Variants in CARD9 observed in about 807,000 individuals in gnomAD.
The protein encoded by CARD9 is caspase recruitment domain family member 9, also known as caspase recruitment domain-containing protein 9.
A neutral mutation model predicts 66.0 loss-of-function variants in CARD9; 53 were observed. The observed-to-expected ratio is 0.80, with a 90% confidence interval of 0.64 to 1.01. The LOEUF is 1.01. Ranked by LOEUF, CARD9 falls within the 50% of genes least tolerant of loss-of-function variation. The pLI is 0.00. For missense variants in CARD9, 769 were observed against 743.2 expected (o/e 1.03, Z -0.40); for synonymous variants, 387 against 313.8 (o/e 1.23, Z -2.47).
intron 7 of CARD9, 40 bp downstream of exon 7, chr9:136,369,710 C>T (rs781282686): frequency 6.0e-5 from 94 of 1,559,788 alleles, no homozygotes; most frequent in Non-Finnish European, 7.8e-5. Flanking sequence ...TGCACCCACC[C>T]GCGAGTGGGG....
intron 10 of CARD9, chr9:136,366,597 G>GC: frequency 3.2e-6 from 2 of 625,170 alleles, no homozygotes; most frequent in Non-Finnish European, 5.7e-6. Flanking sequence ...ACTAGCTGGG[G>GC]CCCTGGGTTC....
At chr9:136,373,139 C>G (rs1471522284) in intron 1 of CARD9, among the ~76,000 whole-genome samples, 3 of 152,236 alleles carry the variant, frequency 2.0e-5, no homozygotes, top group Admixed American at 1.3e-4. Context: ...CCCAGAGGAG[C>G]TGGGTCACTG....
In CARD9 at chr9:136,370,448, C is replaced by T. The variant is rs528166226; in HGVS notation, c.808-11G>A. 12 of 1,609,780 alleles carry T rather than the reference C, an allele frequency of 7.5e-6. No individual in the cohort carries two copies. Among genetic ancestry groups the T allele is most frequent in the South Asian group, 1.1e-5 (1 of 90,548 alleles). On this transcript the variant is annotated splice_polypyrimidine_tract_variant and intron_variant, in intron 5 of 12. Transcript: ENST00000371732. ...GTCCAGCTTCCCCTCCTGAAGGGGG[C>T]AAAAGGCAATGGCCTGGCTGGGAAG... is the stretch of plus-strand genomic sequence containing the variant.
In CARD9 at chr9:136,370,352, G is replaced by T; in HGVS notation, c.893C>A (p.Ala298Asp). The stretch of plus-strand genomic sequence containing the variant: ...CTTGCGCAGGGAGAAGATGGTGTTG[G>T]CCTGCTCCTGGTGGTCCCGCAGCGC... ...RQALRDHQEQ[A>D]NTIFSLRKDL... The change falls in exon 6 of 13, where the codon GCC becomes GAC. Residue 298 changes from alanine to aspartate, a missense_variant. Ala to Asp is a moderately radical substitution (Grantham distance 126). Transcript: ENST00000371732. The T allele has an allele frequency of 6.2e-7, 1 of 1,610,012 alleles. No homozygotes were observed.
chr9:136,364,373 C>G lies in CARD9; in HGVS notation c.1540G>C (p.Gly514Arg), dbSNP rs766890741. The change falls in exon 13 of 13, where the codon GGA becomes CGA. Residue 514 changes from glycine to arginine, a missense_variant. Physicochemically the swap from Gly to Arg is moderately radical, Grantham distance 125. Coordinates refer to ENST00000371732, the MANE Select transcript of CARD9 (RefSeq NM_052813.5). The stretch of plus-strand genomic sequence containing the variant: ...CGGTCCTCCTCCCCCTGCCGCCATC[C>G]TTTCTGCATCTTCCTGAGGGCGCGC... The part of the protein sequence containing the change: ...RKRALRKMQK[G>R]WRQGEEDREN... The G allele has an allele frequency of 6.4e-7, 1 of 1,565,332 alleles. No individual in the cohort carries two copies. The highest frequency in any genetic ancestry group is 1.2e-5 in the South Asian group (1 of 85,524).
intron 11 of CARD9, 99 bp downstream of exon 11, chr9:136,365,042 G>A (rs1460300123): frequency 3.4e-6 from 4 of 1,184,118 alleles, no homozygotes; most frequent in Non-Finnish European, 4.9e-6. Context: ...CTGTCGTCGG[G>A]GCCACCGCAG....
rs1352023957 is a variant in CARD9 at position 136,364,456 on chromosome 9, G to GGA, written c.1511+25_1511+26dup. 7.8e-6 allele frequency: 12 copies of GGA among 1,540,814 alleles called. No individual in the cohort carries two copies. In the Admixed American group the frequency reaches 2.0e-4, roughly 25 times the overall value. On this transcript the variant is annotated intron_variant, in intron 12 of 12. Transcript: ENST00000371732. ...CGGCTGCCGCTCCCCAGCCCGTTTT[G>GGA]GAGAAGCCTGGGGGCCGCCCGCCTA...
Position 136,373,641 on chromosome 9 carries a change from G to A in CARD9, c.-126C>T, listed in dbSNP as rs575640702. ...GCAGGGAGGGAGGAGCACGCCGGAC[G>A]CCTGTGCACTTCCTGATGGGTTCTG... is the stretch of plus-strand genomic sequence containing the variant. On this transcript the variant is annotated 5_prime_UTR_variant, in exon 1 of 13. Coordinates refer to ENST00000371732, the MANE Select transcript of CARD9 (RefSeq NM_052813.5). 1.2e-5 allele frequency: 11 copies of A among 919,518 alleles called. No individual in the cohort carries two copies. Among genetic ancestry groups the A allele is most frequent in the Non-Finnish European group, 1.4e-5 (11 of 769,760 alleles). The allele number at this position is 919,518 out of a possible 1,614,324, so 57.0% of individuals were successfully genotyped here. A position where few individuals can be genotyped will look rare whatever the true frequency, so the allele number is the denominator to read the frequency against.
At chr9:136,364,608 C>G (rs749177143) in intron 11 of CARD9, 49 bp from the exon 12 acceptor site, 1 of 1,512,418 alleles carries the variant, frequency 6.6e-7, no homozygotes, top group African/African-American at 1.4e-5. Flanking sequence ...CTGAGGGAAC[C>G]CGTCCTTCTC....
Position 136,370,354 on chromosome 9 carries a change from C to T in CARD9, c.891G>A (p.Gln297=), listed in dbSNP as rs1564369070. The change falls in exon 6 of 13, where the codon CAG becomes CAA. Residue 297 remains glutamine, a synonymous_variant. Transcript: ENST00000371732. ...WRQALRDHQE[Q]ANTIFSLRKD... ...TGCGCAGGGAGAAGATGGTGTTGGC[C>T]TGCTCCTGGTGGTCCCGCAGCGCCT... 6.2e-7 allele frequency: 1 copy of T among 1,610,298 alleles called. No homozygotes were observed. The highest frequency in any genetic ancestry group is 8.5e-7 in the Non-Finnish European group (1 of 1,179,270).
At chr9:136,371,529 TG>T in intron 2 of CARD9, 68 bp from the exon 3 acceptor site, 1 of 490,332 alleles carries the variant, frequency 2.0e-6, no homozygotes, top group Non-Finnish European at 3.7e-6. Context: ...TGGGTGGGCC[TG>T]GGGGCAGGGA....
Position 136,370,559 on chromosome 9 carries a change from A to T in CARD9, c.770T>A (p.Leu257His). ...CTCCAGCTCCTGCACCCGGGCCTGG[A>T]GCAGGGCCTTCTCCTGCTGCAGCTC... The part of the protein sequence containing the change: ...LWELQQEKAL[L>H]QARVQELEAS... Residue 257 changes from leucine (L) to histidine (H), a missense_variant, in exon 5 of 13, where the codon CTC (leucine) becomes CAC (histidine). By Grantham distance (99) the Leu-to-His change is moderately conservative (BLOSUM62 -3). Coordinates refer to ENST00000371732, the MANE Select transcript of CARD9 (RefSeq NM_052813.5). The T allele has an allele frequency of 1.2e-6, 2 of 1,609,484 alleles. No homozygotes were observed. Among genetic ancestry groups the T allele is most frequent in the Non-Finnish European group, 1.7e-6 (2 of 1,178,924 alleles).
rs1273479457 is a variant in CARD9 at position 136,367,619 on chromosome 9, C to T, written c.1269+18G>A. 21 of 1,561,232 alleles carry T rather than the reference C, an allele frequency of 1.3e-5. No individual in the cohort carries two copies. Among genetic ancestry groups the T allele is most frequent in the Middle Eastern group, 1.7e-4 (1 of 5,986 alleles). The stretch of plus-strand genomic sequence containing the variant: ...CCCACGCGCCGGCTCCCCTCCCTGC[C>T]GCAGGCCCCAGGCCCACCAGGACGA... On this transcript the variant is annotated intron_variant, in intron 8 of 12. Coordinates refer to ENST00000371732, the MANE Select transcript of CARD9 (RefSeq NM_052813.5).
rs145198648 is a variant in CARD9, at chr9:136,371,004, C to T, written c.464G>A (p.Arg155His). Residue 155 changes from arginine to histidine, a missense_variant, in exon 4 of 13, where the codon CGC (arginine) becomes CAC (histidine). Arg to His is a conservative substitution (Grantham distance 29). Coordinates refer to ENST00000371732, the MANE Select transcript of CARD9 (RefSeq NM_052813.5). ...KELRVKDSLL[R>H]KHQERVQRLK... ...CCTCTGCACACGCTCCTGGTGCTTGCGCAGCAGGCTGTCCTTCACCCGCAG... is the reference window on the plus strand; with the variant it reads ...CCTCTGCACACGCTCCTGGTGCTTGTGCAGCAGGCTGTCCTTCACCCGCAG... 4.7e-5 allele frequency: 76 copies of T among 1,611,390 alleles called. No individual in the cohort carries two copies. In the East Asian group the frequency reaches 7.6e-4, roughly 16 times the overall value.
chr9:136,365,604 C>T (rs1266176121), intron 10 of CARD9: 3 of 260,418 alleles, frequency 1.2e-5, no homozygotes, highest in South Asian at 1.0e-4. Context: ...GAGTTGGGGA[C>T]AGCTACAGTG....
At chr9:136,365,079 T>G in intron 11 of CARD9, 62 bp downstream of exon 11, 1 of 1,536,794 alleles carries the variant, frequency 6.5e-7, no homozygotes, top group Non-Finnish European at 9.0e-7. Flanking sequence ...GGAGCCACTC[T>G]CCCTGTGATC....
chr9:136,365,295 G>T, intron 10 of CARD9, 78 bp from the exon 11 acceptor site: 2 of 1,363,576 alleles, frequency 1.5e-6, no homozygotes, highest in Non-Finnish European at 2.0e-6. Flanking sequence ...CCCCTCCCCG[G>T]CATTGCAGTG....
chr9:136,367,846 G>A lies in CARD9; in HGVS notation c.1078-18C>T. ...GCTATGGCCTGACGGGACAGCACAAGGCCGACCCTCAGTGAGGGCCCCAAG... is the reference window on the plus strand; with the variant it reads ...GCTATGGCCTGACGGGACAGCACAAAGCCGACCCTCAGTGAGGGCCCCAAG... On this transcript the variant is annotated intron_variant, in intron 7 of 12. Coordinates refer to ENST00000371732, the MANE Select transcript of CARD9 (RefSeq NM_052813.5). 20 of 1,586,556 alleles carry A rather than the reference G, an allele frequency of 1.3e-5. No homozygotes were observed. The highest frequency in any genetic ancestry group is 1.6e-5 in the Non-Finnish European group (19 of 1,169,192).
rs746656551 is a variant in CARD9 at position 136,366,833 on chromosome 9, G to A, written c.1324C>T (p.Gln442Ter). Residue 442 changes from glutamine to a stop codon, truncating the protein, a stop_gained, in exon 10 of 13, where the codon CAG becomes TAG. Coordinates refer to ENST00000371732, the MANE Select transcript of CARD9 (RefSeq NM_052813.5). LOFTEE classifies it high-confidence loss of function. ...PRRSQELSLPQDLEDTQLSDK... is the reference protein window; with the variant it reads ...PRRSQELSLP ...GAGAGCTGGGTGTCCTCCAGGTCCT[G>A]GGGGAGTGAGAGCTTCCAAAGAGAG... 6.2e-7 allele frequency: 1 copy of A among 1,613,030 alleles called. No individual in the cohort carries two copies. The highest frequency in any genetic ancestry group is 8.5e-7 in the Non-Finnish European group (1 of 1,179,916).
Sources: allele counts gnomAD v4.1 joint callset (sites outside exome capture counted in the v4.1 genomes callset), GRCh38; gene constraint gnomAD v4.1.1; transcripts MANE v1.5; gene names NCBI Gene and HGNC (gene_info 2026-07-23, HGNC 2026-07-21).